The following UNC79 variants were observed in gnomAD, a reference collection of about 807,000 sequenced individuals.
UNC79 encodes the protein protein unc-79 homolog.
A neutral mutation model predicts 283.1 loss-of-function variants in UNC79; 37 were observed. The ratio of observed to expected loss-of-function variants is 0.13; its 90% CI spans 0.10 to 0.17. UNC79 has a LOEUF of 0.17. Ranked by LOEUF, UNC79 falls within the 10% of genes least tolerant of loss-of-function variation. The pLI is 1.00. For synonymous variants in UNC79, 1,107 were observed against 1,200.2 expected (o/e 0.92, Z 1.61); for missense variants, 2,272 against 3,211.1 (o/e 0.71, Z 7.07).
In UNC79 at chr14:93,538,823, G is replaced by A. The variant is rs199904608; in HGVS notation, c.1352+605G>A. Among the ~76,000 whole-genome samples the A allele has an allele frequency of 1.7e-3, 174 of 103,294 alleles. 2 individuals are homozygous for A. The East Asian group carries it at 0.042, about 25-fold the overall frequency. The allele number at this position is 103,294 out of a possible 152,430, so 67.8% of individuals were successfully genotyped here. ...CATGACCAAAAAAAAAAAAAAAAAA[G>A]CAATTGAAATAACTTCTACCCTTCC... On this transcript the variant is annotated intron_variant, in intron 12 of 48. Coordinates refer to ENST00000555664, the Ensembl canonical transcript of UNC79.
At chr14:93,555,460 G>C (rs1215207466) in intron 14 of UNC79, among the ~76,000 whole-genome samples, 4 of 152,162 alleles carry the variant, frequency 2.6e-5, no homozygotes, top group African/African-American at 4.8e-5. Flanking sequence ...CTGGAGAGCA[G>C]TGGTGTGATC....
At chr14:93,558,087 A>G (rs2062281954) in intron 14 of UNC79, among the ~76,000 whole-genome samples, 1 of 152,204 alleles carries the variant, frequency 6.6e-6, no homozygotes, top group South Asian at 2.1e-4. Flanking sequence ...CGAAGTTTGT[A>G]GCTGACCAAT....
chr14:93,667,711 C>A (rs1199765305), intron 40 of UNC79, among the ~76,000 whole-genome samples: 5 of 151,982 alleles, frequency 3.3e-5, no homozygotes, highest in Admixed American at 2.6e-4. Context: ...TTGATATCAA[C>A]CAGAGAAGGA....
rs183712863 is a variant in UNC79 at position 93,577,559 on chromosome 14, G to A, written c.2212-283G>A. Among the ~76,000 whole-genome samples, 292 of 152,262 alleles carry A rather than the reference G, an allele frequency of 1.9e-3. 1 individual carries two copies. The highest frequency in any genetic ancestry group is 3.0e-3 in the Non-Finnish European group (204 of 68,026). On this transcript the variant is annotated intron_variant, in intron 17 of 48. Coordinates refer to ENST00000555664, the Ensembl canonical transcript of UNC79. ...AATTTTCAGTAGACTCAAACAATCC[G>A]GTCTAATTGGACATGTTTGATGGGT...
chr14:93,361,452 A>G (rs766340264), intron 1 of UNC79, among the ~76,000 whole-genome samples: 31 of 150,852 alleles, frequency 2.1e-4, no homozygotes, highest in Non-Finnish European at 4.1e-4. Context: ...TTAAGGCTGC[A>G]TTGTTCCATG....
intron 35 of UNC79, among the ~76,000 whole-genome samples, chr14:93,652,404 T>G (rs1303913844): frequency 6.6e-6 from 1 of 152,100 alleles, no homozygotes; most frequent in East Asian, 1.9e-4. Flanking sequence ...TACAGGTGTG[T>G]GCCACCATGC....
chr14:93,681,306 C>T (rs1483966584), intron 41 of UNC79, among the ~76,000 whole-genome samples: 1 of 152,236 alleles, frequency 6.6e-6, no homozygotes, highest in Non-Finnish European at 1.5e-5. Context: ...GGACGCCCCT[C>T]CCACACTTGA....
intron 1 of UNC79, among the ~76,000 whole-genome samples, chr14:93,449,684 T>C (rs1293491160): frequency 6.6e-6 from 1 of 151,704 alleles, no homozygotes; most frequent in Non-Finnish European, 1.5e-5. Context: ...ACAATGACAA[T>C]ATGCATATTG....
intron 31 of UNC79, among the ~76,000 whole-genome samples, chr14:93,636,665 G>A (rs193107679): frequency 3.0e-4 from 46 of 152,162 alleles, no homozygotes; most frequent in Non-Finnish European, 5.9e-4. Context: ...CATGCATGGC[G>A]CCATGACTTA....
intron 1 of UNC79, among the ~76,000 whole-genome samples, chr14:93,365,524 G>A (rs996577593): frequency 6.6e-6 from 1 of 151,948 alleles, no homozygotes; most frequent in Non-Finnish European, 1.5e-5. Context: ...GGCAAGCAGA[G>A]AACGATTTTT....
chr14:93,339,578 C>T (rs560917220), intron 1 of UNC79, among the ~76,000 whole-genome samples: 3 of 152,308 alleles, frequency 2.0e-5, no homozygotes, highest in East Asian at 1.9e-4. Flanking sequence ...GGATTACAGG[C>T]GTGAGCCACT....
chr14:93,630,466 C>T (rs1352608893), intron 30 of UNC79, among the ~76,000 whole-genome samples: 4 of 152,166 alleles, frequency 2.6e-5, no homozygotes, highest in African/African-American at 9.7e-5. Context: ...AACTATTAAG[C>T]ATATTTAGGT....
intron 26 of UNC79, among the ~76,000 whole-genome samples, chr14:93,605,997 C>T (rs895283315): frequency 1.3e-5 from 2 of 152,218 alleles, no homozygotes; most frequent in African/African-American, 4.8e-5. Flanking sequence ...AAAATAAGAA[C>T]TTCTGATTCA....
intron 1 of UNC79, among the ~76,000 whole-genome samples, chr14:93,461,588 T>C (rs989993129): frequency 1.3e-5 from 2 of 152,226 alleles, no homozygotes; most frequent in Non-Finnish European, 2.9e-5. Flanking sequence ...AAAAAGCCAT[T>C]CTTTCCCTTC....
In UNC79 at chr14:93,688,571, G is replaced by A. The variant is rs2074433948; in HGVS notation, c.6910-94G>A. 2 of 1,407,954 alleles carry A rather than the reference G, an allele frequency of 1.4e-6. No individual in the cohort carries two copies. Among genetic ancestry groups the A allele is most frequent in the East Asian group, 4.7e-5 (2 of 43,000 alleles). 87.2% of individuals were successfully genotyped at this position (1,407,954 alleles called of 1,614,324 possible). On this transcript the variant is annotated intron_variant, in intron 43 of 48. Coordinates refer to ENST00000555664, the Ensembl canonical transcript of UNC79. This position sits in a 1 kb window ranked among gnomAD's most constrained non-coding sequence, Gnocchi z 4.0. ...GGTTGTTTGCTCAGAGTGGCGATAA[G>A]CGGGGTGGAAATGACAACCTCTTCT... is the stretch of plus-strand genomic sequence containing the variant.
At chr14:93,476,668 G>T (rs1289731011) in intron 3 of UNC79, among the ~76,000 whole-genome samples, 3 of 152,178 alleles carry the variant, frequency 2.0e-5, no homozygotes, top group Non-Finnish European at 4.4e-5. Context: ...GAATACAAAA[G>T]TGATCCAAGT....
intron 1 of UNC79, among the ~76,000 whole-genome samples, chr14:93,449,047 C>T (rs1420246638): frequency 1.3e-5 from 2 of 152,218 alleles, no homozygotes; most frequent in Non-Finnish European, 2.9e-5. Flanking sequence ...TTCGTGTCTT[C>T]CTGCATGGAT....
At chr14:93,556,696 AC>A (rs747608429) in intron 14 of UNC79, among the ~76,000 whole-genome samples, 4 of 141,352 alleles carry the variant, frequency 2.8e-5, no homozygotes, top group Admixed American at 7.1e-5. Flanking sequence ...AAAAAAAAAA[AC>A]CCAAAAACCT....
chr14:93,493,000 C>T (rs181403358), intron 5 of UNC79, among the ~76,000 whole-genome samples: 9 of 152,104 alleles, frequency 5.9e-5, no homozygotes, highest in East Asian at 1.9e-4. Flanking sequence ...GGTTGAGAGG[C>T]GAGAAGACAA....
Sources: gnomAD v4.1 joint callset for allele counts (sites outside exome capture counted in the v4.1 genomes callset) on GRCh38, gnomAD v4.1.1 for gene constraint, Gnocchi (gnomAD v3.1) non-coding constraint, MANE v1.5 for transcripts, NCBI Gene and HGNC (gene_info 2026-07-23, HGNC 2026-07-21) for gene names.